The following PHACTR3 variants were observed in gnomAD, a reference collection of about 807,000 sequenced individuals.
PHACTR3 encodes the protein phosphatase and actin regulator 3.
PHACTR3 carries 16 observed loss-of-function variants against 66.8 expected under a neutral mutation model. That is an observed-to-expected ratio of 0.24 (90% CI 0.16 to 0.36). The LOEUF (loss-of-function observed/expected upper bound fraction) is 0.36, where lower values mean the gene tolerates loss of function less well. Among genes scored for constraint, PHACTR3 ranks in the 10% least tolerant of loss-of-function variants. The probability of loss-of-function intolerance (pLI) is 1.00; values close to 1 mark genes in which losing one functional copy is unlikely to be tolerated. For synonymous variants in PHACTR3, 323 were observed against 292.1 expected, an observed-to-expected ratio of 1.11 and a Z score of -1.08; for missense variants, 647 against 719.9, an observed-to-expected ratio of 0.90 and a Z score of 1.16.
intron 7 of PHACTR3, among the ~76,000 whole-genome samples, chr20:59,790,880 C>T (rs779982649): frequency 1.3e-4 from 19 of 151,980 alleles, no homozygotes; most frequent in African/African-American, 2.2e-4. Flanking sequence ...TTGTTTGCAA[C>T]GAGCATACAT....
chr20:59,678,706 C>CAGGGGGAAAGTTA, intron 1 of PHACTR3, among the ~76,000 whole-genome samples: 1 of 152,142 alleles, frequency 6.6e-6, no homozygotes, highest in Non-Finnish European at 1.5e-5. Flanking sequence ...CATTATTATT[C>CAGGGGGAAAGTTA]AGGGGGAAAG....
intron 1 of PHACTR3, among the ~76,000 whole-genome samples, chr20:59,593,927 G>A (rs964146122): frequency 3.9e-5 from 6 of 152,150 alleles, no homozygotes; most frequent in East Asian, 3.8e-4. Flanking sequence ...TCTTAAAGTC[G>A]GGAATGCCAG....
At chr20:59,742,581 C>A (rs1291684085) in intron 1 of PHACTR3, among the ~76,000 whole-genome samples, 1 of 152,306 alleles carries the variant, frequency 6.6e-6, no homozygotes, top group East Asian at 1.9e-4. Flanking sequence ...GAGGTGGCAG[C>A]CTGGTGGGAG....
Position 59,755,039 on chromosome 20 carries a change from C to T in PHACTR3, c.359-143C>T, listed in dbSNP as rs1206632384. ...TGGAAAGTCCAGACTTGGAGAGGGA[C>T]TCCTAGGGTGTGTGGTGAGGGGGAG... On this transcript the variant is annotated intron_variant, in intron 3 of 12. Coordinates refer to ENST00000371015, the MANE Select transcript of PHACTR3 (RefSeq NM_080672.5). The T allele has an allele frequency of 1.1e-4, 87 of 785,948 alleles. 1 individual carries two copies. In the South Asian group the frequency reaches 1.5e-3, roughly 14 times the overall value. 48.7% of individuals were successfully genotyped at this position (785,948 alleles called of 1,614,324 possible). A position where few individuals can be genotyped will look rare whatever the true frequency, so the allele number is the denominator to read the frequency against.
At chr20:59,801,007 C>T (rs370013592) in intron 7 of PHACTR3, among the ~76,000 whole-genome samples, 15 of 152,282 alleles carry the variant, frequency 9.9e-5, no homozygotes, top group East Asian at 9.7e-4. Context: ...ATGTGTGCAC[C>T]GGGCACTGCT....
chr20:59,821,980 G>GATCCCACCCTTTCCCCAGCA (rs2042043876), intron 8 of PHACTR3, among the ~76,000 whole-genome samples: 1 of 58,166 alleles, frequency 1.7e-5, no homozygotes, highest in Non-Finnish European at 3.2e-5. Context: ...TTTCTGCAGC[G>GATCCCACCCTTTCCCCAGCA]ATCCCACCCC....
At chr20:59,676,738 C>T in intron 1 of PHACTR3, 5 of 985,100 alleles carry the variant, frequency 5.1e-6, no homozygotes, top group Non-Finnish European at 6.0e-6. Context: ...TAAAGCCCTT[C>T]ATCCAGGATC....
intron 1 of PHACTR3, among the ~76,000 whole-genome samples, chr20:59,648,132 G>A (rs916910712): frequency 1.3e-5 from 2 of 152,202 alleles, no homozygotes; most frequent in Non-Finnish European, 2.9e-5. Context: ...ACCGTTTTGT[G>A]ATTAGTCCAG....
rs963333940 is a variant in PHACTR3, at chr20:59,743,276, C to T, written c.280+8C>T. The T allele has an allele frequency of 6.2e-7, 1 of 1,613,546 alleles. No homozygotes were observed. Among genetic ancestry groups the T allele is most frequent in the Admixed American group, 1.7e-5 (1 of 59,980 alleles). On this transcript the variant is annotated splice_region_variant and intron_variant, in intron 2 of 12. Coordinates refer to ENST00000371015, the MANE Select transcript of PHACTR3 (RefSeq NM_080672.5). ...TGAAGCAGACAACGTCAGGTAAAGG[C>T]CTGGTGACAGGCGCGGGCAGGCTGT...
intron 8 of PHACTR3, among the ~76,000 whole-genome samples, chr20:59,817,860 C>T (rs866101490): frequency 2.6e-5 from 4 of 152,160 alleles, no homozygotes; most frequent in African/African-American, 9.7e-5. Context: ...AGATTTGGCC[C>T]GGGACCACCC....
At chr20:59,709,416 C>T (rs540720868) in intron 1 of PHACTR3, among the ~76,000 whole-genome samples, 8 of 152,314 alleles carry the variant, frequency 5.3e-5, no homozygotes, top group Admixed American at 5.2e-4. Flanking sequence ...CTAAACCACC[C>T]TTTGCCAGTT....
At chr20:59,772,931 G>A (rs748077654) in intron 5 of PHACTR3, among the ~76,000 whole-genome samples, 6 of 152,150 alleles carry the variant, frequency 3.9e-5, no homozygotes, top group African/African-American at 1.4e-4. Context: ...AGATTCTTCC[G>A]GGTTTCCCAA....
At chr20:59,580,628 C>T (rs2032829869) in intron 1 of PHACTR3, among the ~76,000 whole-genome samples, 1 of 151,680 alleles carries the variant, frequency 6.6e-6, no homozygotes, top group Non-Finnish European at 1.5e-5. Flanking sequence ...GATATCATGA[C>T]ATGTCCCAGC....
At chr20:59,768,319 C>T (rs2040250436) in intron 5 of PHACTR3, among the ~76,000 whole-genome samples, 1 of 152,150 alleles carries the variant, frequency 6.6e-6, no homozygotes, top group Non-Finnish European at 1.5e-5. Context: ...GGGCGTGAAA[C>T]ATGATGCATA....
intron 9 of PHACTR3, 137 bp from the exon 10 acceptor site, chr20:59,840,232 A>C: frequency 7.3e-7 from 1 of 1,371,428 alleles, no homozygotes. Flanking sequence ...AGTGGGAAGA[A>C]AACACCATGA....
intron 1 of PHACTR3, among the ~76,000 whole-genome samples, chr20:59,728,405 C>T (rs936356746): frequency 7.2e-5 from 11 of 152,086 alleles, no homozygotes; most frequent in Admixed American, 6.6e-4. Flanking sequence ...TTCCGGGTAT[C>T]TAACTAAAAC....
chr20:59,749,599 A>C (rs893405566), intron 3 of PHACTR3, among the ~76,000 whole-genome samples: 3 of 152,158 alleles, frequency 2.0e-5, no homozygotes, highest in African/African-American at 7.2e-5. Context: ...GAATCACTTT[A>C]GATCAGGGTC....
chr20:59,591,265 C>T (rs1188320059), intron 1 of PHACTR3, among the ~76,000 whole-genome samples: 1 of 152,204 alleles, frequency 6.6e-6, no homozygotes, highest in African/African-American at 2.4e-5. Context: ...CCTGCTCCTC[C>T]CTCCAGGCTG....
intron 1 of PHACTR3, among the ~76,000 whole-genome samples, chr20:59,731,387 T>C (rs762565397): frequency 6.6e-6 from 1 of 152,212 alleles, no homozygotes; most frequent in Non-Finnish European, 1.5e-5. Flanking sequence ...TGCATCCTAC[T>C]AAGCCACATA....
Sources: gnomAD v4.1 joint callset for allele counts (sites outside exome capture counted in the v4.1 genomes callset) on GRCh38, gnomAD v4.1.1 for gene constraint, MANE v1.5 for transcripts, NCBI Gene and HGNC (gene_info 2026-07-23, HGNC 2026-07-21) for gene names.